UPP2: variants seen among roughly 807,000 people sequenced by gnomAD.
UPP2 encodes UPase 2.
A neutral mutation model predicts 26.7 loss-of-function variants in UPP2; 23 were observed. The observed-to-expected ratio is 0.86, with a 90% CI of 0.62 to 1.22. The LOEUF is 1.22. Among genes scored for constraint, UPP2 ranks in the 50% most tolerant of loss-of-function variants. UPP2 has a pLI of 0.00. For missense variants in UPP2, 387 were observed against 396.7 expected, an observed-to-expected ratio of 0.98 and a Z score of 0.21; for synonymous variants, 127 against 141.3, an observed-to-expected ratio of 0.90 and a Z score of 0.72.
intron 3 of UPP2, among the ~76,000 whole-genome samples, chr2:158,080,635 T>C (rs1682709173): frequency 6.6e-6 from 1 of 152,224 alleles, no homozygotes; most frequent in African/African-American, 2.4e-5. Context: ...GCCATAGTTA[T>C]CTTTCCCAGC....
At chr2:158,121,698 A>G in intron 5 of UPP2, 80 bp downstream of exon 5, 1 of 1,254,456 alleles carries the variant, frequency 8.0e-7, no homozygotes. Flanking sequence ...ATTTATATTA[A>G]CAACTCTACT....
upstream of UPP2, among the ~76,000 whole-genome samples, chr2:158,098,826 A>G (rs755325227): frequency 1.3e-5 from 2 of 152,218 alleles, no homozygotes; most frequent in Non-Finnish European, 2.9e-5. Flanking sequence ...GAGGGTGCGT[A>G]TACTGAGAAA....
At chr2:158,082,138 A>T (rs1199100208) in intron 3 of UPP2, among the ~76,000 whole-genome samples, 1 of 151,980 alleles carries the variant, frequency 6.6e-6, no homozygotes, top group Admixed American at 6.6e-5. Flanking sequence ...TGTAGTACAG[A>T]TGGGTTTCAC....
intron 6 of UPP2, among the ~76,000 whole-genome samples, chr2:158,124,928 A>G (rs1470459292): frequency 1.3e-5 from 2 of 152,328 alleles, no homozygotes; most frequent in African/African-American, 4.8e-5. Context: ...GGTCGTTTGC[A>G]CTGGAGACAT....
chr2:158,026,719 A>G (rs1322115634), intron 3 of UPP2, among the ~76,000 whole-genome samples: 1 of 152,196 alleles, frequency 6.6e-6, no homozygotes. Flanking sequence ...TATAAAATAT[A>G]ACAGGCAAGC....
intron 2 of UPP2, among the ~76,000 whole-genome samples, chr2:158,112,601 T>A (rs957366193): frequency 6.6e-6 from 1 of 151,912 alleles, no homozygotes; most frequent in Non-Finnish European, 1.5e-5. Flanking sequence ...ATAAATAAAT[T>A]GAACTCTAAA....
At position 158,091,215 on chromosome 2, in the gene UPP2, C is replaced by T. The variant is rs80151782; in HGVS notation, c.148-10825C>T. Among the ~76,000 whole-genome samples the T allele has an allele frequency of 6.2e-3, 947 of 152,188 alleles. 5 individuals are homozygous for T. The highest frequency in any genetic ancestry group is 0.027 in the Middle Eastern group (8 of 294). On this transcript the variant is annotated intron_variant, in intron 3 of 9. Transcript: ENST00000605860. ...AATACAAAACTGCTGCCTGGGGATG[C>T]TTTCAAATATTTCTGTGTACTGGAT...
chr2:158,091,603 A>G (rs889149923), intron 3 of UPP2, among the ~76,000 whole-genome samples: 1 of 152,218 alleles, frequency 6.6e-6, no homozygotes, highest in Non-Finnish European at 1.5e-5. Flanking sequence ...CACAGCAAGC[A>G]TTTCCTACTC....
At chr2:158,066,958 C>A (rs1682445870) in intron 3 of UPP2, among the ~76,000 whole-genome samples, 1 of 151,944 alleles carries the variant, frequency 6.6e-6, no homozygotes, top group South Asian at 2.1e-4. Flanking sequence ...GTTATTGTAG[C>A]CAAAACAATT....
chr2:158,093,117 C>T (rs996364568), intron 3 of UPP2, among the ~76,000 whole-genome samples: 1 of 152,020 alleles, frequency 6.6e-6, no homozygotes, highest in South Asian at 2.1e-4. Flanking sequence ...AATGGGGTTT[C>T]ACCACATTGG....
At chr2:158,043,551 T>G (rs1684109675) in intron 3 of UPP2, among the ~76,000 whole-genome samples, 1 of 152,088 alleles carries the variant, frequency 6.6e-6, no homozygotes, top group African/African-American at 2.4e-5. Context: ...GCACTCAAAC[T>G]TAACAGAATC....
intron 3 of UPP2, among the ~76,000 whole-genome samples, chr2:158,074,534 T>C (rs1682595907): frequency 6.6e-6 from 1 of 152,124 alleles, no homozygotes; most frequent in East Asian, 1.9e-4. Context: ...ACGGGTTATA[T>C]GACAGTATTT....
chr2:158,050,336 G>A (rs1296234787), intron 3 of UPP2, among the ~76,000 whole-genome samples: 1 of 151,714 alleles, frequency 6.6e-6, no homozygotes, highest in Non-Finnish European at 1.5e-5. Context: ...GACTCTAAGT[G>A]AAGACTGAGA....
At chr2:158,083,256 C>A (rs147617116) in intron 3 of UPP2, among the ~76,000 whole-genome samples, 1 of 152,018 alleles carries the variant, frequency 6.6e-6, no homozygotes, top group Non-Finnish European at 1.5e-5. Flanking sequence ...CACATGCACA[C>A]GTATGTTTAT....
At chr2:158,112,190 T>G (rs534336160) in intron 2 of UPP2, among the ~76,000 whole-genome samples, 1 of 152,144 alleles carries the variant, frequency 6.6e-6, no homozygotes, top group South Asian at 2.1e-4. Context: ...GGACTCGCAC[T>G]TCCCAACTTC....
At chr2:158,082,109 C>G (rs1682736566) in intron 3 of UPP2, among the ~76,000 whole-genome samples, 1 of 151,884 alleles carries the variant, frequency 6.6e-6, no homozygotes, top group South Asian at 2.1e-4. Flanking sequence ...CATTACCATG[C>G]CCGGGTAATT....
intron 2 of UPP2, among the ~76,000 whole-genome samples, chr2:157,999,472 C>T (rs1345097184): frequency 6.6e-6 from 1 of 152,158 alleles, no homozygotes; most frequent in African/African-American, 2.4e-5. Context: ...GACACCTCAC[C>T]CAGCCTATTT....
chr2:158,088,989 A>T (rs555663066), intron 3 of UPP2, among the ~76,000 whole-genome samples: 32 of 152,152 alleles, frequency 2.1e-4, no homozygotes, highest in African/African-American at 6.5e-4. Context: ...CTTTCAAGAG[A>T]GCATTAGCTG....
chr2:158,101,854 CAGGG>C, upstream of UPP2: 1 of 1,338,062 alleles, frequency 7.5e-7, no homozygotes, highest in South Asian at 2.0e-5. Context: ...AAAGTCATGT[CAGGG>C]AGGACATCTT....
Sources: gnomAD v4.1 joint callset for allele counts (sites outside exome capture counted in the v4.1 genomes callset) on GRCh38, gnomAD v4.1.1 for gene constraint, MANE v1.5 for transcripts, NCBI Gene and HGNC (gene_info 2026-07-23, HGNC 2026-07-21) for gene names.